ZNF385D: variants seen among roughly 807,000 people sequenced by gnomAD.
The protein encoded by ZNF385D is zinc finger protein 659.
ZNF385D carries 15 observed loss-of-function variants against 35.8 expected under a neutral mutation model. That is an observed-to-expected ratio of 0.42 (90% confidence interval 0.28 to 0.64). The LOEUF (loss-of-function observed/expected upper bound fraction) is 0.64, where lower values mean the gene tolerates loss of function less well. ZNF385D is among the 30% of genes least tolerant of loss of function. The pLI is 0.23. For synonymous variants in ZNF385D, 212 were observed against 186.8 expected, an observed-to-expected ratio of 1.13 and a Z score of -1.10; for missense variants, 474 against 494.6, an observed-to-expected ratio of 0.96 and a Z score of 0.39.
At chr3:21,909,588 T>G (rs185094449) in intron 3 of ZNF385D, among the ~76,000 whole-genome samples, 58 of 136,084 alleles carry the variant, frequency 4.3e-4, no homozygotes, top group Middle Eastern at 3.9e-3. Flanking sequence ...TTCATTCTTA[T>G]CATCTCCAAC....
chr3:21,664,179 A>G (rs2125258838), intron 2 of ZNF385D, among the ~76,000 whole-genome samples: 1 of 151,958 alleles, frequency 6.6e-6, no homozygotes, highest in East Asian at 1.9e-4. Flanking sequence ...CATCCTAAGA[A>G]TACTCTTACT....
intron 2 of ZNF385D, among the ~76,000 whole-genome samples, chr3:21,583,201 G>A (rs992038298): frequency 6.6e-6 from 1 of 152,098 alleles, no homozygotes; most frequent in Non-Finnish European, 1.5e-5. Flanking sequence ...AATATAAACT[G>A]TAACCATTTA....
intron 3 of ZNF385D, among the ~76,000 whole-genome samples, chr3:22,143,848 A>G (rs921579320): frequency 1.3e-5 from 2 of 152,182 alleles, no homozygotes; most frequent in African/African-American, 4.8e-5. Flanking sequence ...TACTATTGTA[A>G]CTACACAATG....
intron 5 of ZNF385D, among the ~76,000 whole-genome samples, chr3:21,427,338 T>C (rs1243815531): frequency 6.6e-6 from 1 of 152,220 alleles, no homozygotes; most frequent in Non-Finnish European, 1.5e-5. Context: ...AGGGCTAGTT[T>C]AGTTTATGAA....
At chr3:22,297,314 G>A (rs1203147883) in intron 2 of ZNF385D, among the ~76,000 whole-genome samples, 1 of 151,830 alleles carries the variant, frequency 6.6e-6, no homozygotes, top group Non-Finnish European at 1.5e-5. Flanking sequence ...CATCTCCTCC[G>A]CCTTTCCCTT....
chr3:21,907,388 CT>C (rs528167618), intron 3 of ZNF385D, among the ~76,000 whole-genome samples: 9 of 152,054 alleles, frequency 5.9e-5, no homozygotes, highest in South Asian at 2.1e-4. Context: ...TTCACAATAT[CT>C]TTTTTTGTAT....
chr3:22,181,057 A>G (rs1414340273), intron 2 of ZNF385D, among the ~76,000 whole-genome samples: 1 of 151,624 alleles, frequency 6.6e-6, no homozygotes, highest in Non-Finnish European at 1.5e-5. Flanking sequence ...ACTGCTGTCC[A>G]TGCCTAGTCT....
At chr3:21,885,111 G>A (rs1460212825) in intron 3 of ZNF385D, among the ~76,000 whole-genome samples, 2 of 151,802 alleles carry the variant, frequency 1.3e-5, no homozygotes, top group Admixed American at 6.6e-5. Context: ...TAAAGAAAGT[G>A]GTGGAAAAAA....
intron 2 of ZNF385D, among the ~76,000 whole-genome samples, chr3:22,233,212 A>T (rs115618174): frequency 6.6e-6 from 1 of 152,154 alleles, no homozygotes; most frequent in South Asian, 2.1e-4. Context: ...TTCACTAATA[A>T]AATTGTTCAA....
At chr3:21,886,591 G>T (rs1452831898) in intron 3 of ZNF385D, among the ~76,000 whole-genome samples, 1 of 152,008 alleles carries the variant, frequency 6.6e-6, no homozygotes, top group African/African-American at 2.4e-5. Context: ...TATGAGTCTT[G>T]TTCAGGCCTA....
intron 2 of ZNF385D, among the ~76,000 whole-genome samples, chr3:22,325,929 A>T (rs1377005463): frequency 6.6e-6 from 1 of 152,092 alleles, no homozygotes; most frequent in Non-Finnish European, 1.5e-5. Flanking sequence ...AAATTTTCTA[A>T]TGATCATCAT....
At chr3:22,368,405 G>A (rs924642494) in intron 2 of ZNF385D, among the ~76,000 whole-genome samples, 8 of 152,260 alleles carry the variant, frequency 5.3e-5, no homozygotes, top group Admixed American at 6.5e-5. Context: ...CTGCCCCTGG[G>A]TGTCCTTCAA....
chr3:21,521,205 CAG>C (rs1707880944), intron 3 of ZNF385D, among the ~76,000 whole-genome samples: 1 of 152,168 alleles, frequency 6.6e-6, no homozygotes, highest in African/African-American at 2.4e-5. Context: ...AATGTTTTGC[CAG>C]TGTTAGAATA....
intron 3 of ZNF385D, among the ~76,000 whole-genome samples, chr3:22,165,079 G>A (rs767380200): frequency 6.6e-6 from 1 of 152,112 alleles, no homozygotes; most frequent in South Asian, 2.1e-4. Flanking sequence ...TTGTGATGTT[G>A]GATACATGTC....
chr3:21,904,024 G>A (rs896481404), intron 3 of ZNF385D, among the ~76,000 whole-genome samples: 13 of 152,054 alleles, frequency 8.5e-5, no homozygotes, highest in African/African-American at 3.1e-4. Flanking sequence ...ATAATTGGTG[G>A]TCAGGCATGG....
At chr3:21,778,295 C>G (rs900761530) in intron 3 of ZNF385D, among the ~76,000 whole-genome samples, 16 of 151,892 alleles carry the variant, frequency 1.1e-4, no homozygotes, top group African/African-American at 3.9e-4. Context: ...TTTCTCACCA[C>G]AAACACACTT....
At chr3:21,785,518 AT>A (rs2125646030) in intron 3 of ZNF385D, among the ~76,000 whole-genome samples, 1 of 152,338 alleles carries the variant, frequency 6.6e-6, no homozygotes, top group African/African-American at 2.4e-5. Flanking sequence ...AGAAACTTGA[AT>A]AGCTAAAGCT....
At chr3:21,763,262 C>T (rs770758074) in intron 3 of ZNF385D, among the ~76,000 whole-genome samples, 10 of 152,130 alleles carry the variant, frequency 6.6e-5, no homozygotes, top group Non-Finnish European at 1.2e-4. Flanking sequence ...ACAGTGATGG[C>T]TCCGAGCTGT....
intron 2 of ZNF385D, among the ~76,000 whole-genome samples, chr3:21,577,500 T>G (rs531738422): frequency 1.3e-5 from 2 of 152,334 alleles, no homozygotes; most frequent in East Asian, 3.9e-4. Flanking sequence ...GACATACTGA[T>G]TTCCTTTCTT....
Sources: gnomAD v4.1 joint callset for allele counts (sites outside exome capture counted in the v4.1 genomes callset) on GRCh38, gnomAD v4.1.1 for gene constraint, MANE v1.5 for transcripts, NCBI Gene and HGNC (gene_info 2026-07-23, HGNC 2026-07-21) for gene names.